The following FBXO25 variants were observed in gnomAD, a reference collection of about 807,000 sequenced individuals.
The protein encoded by FBXO25 is F-box protein 25, also known as F-box only protein 25.
Under a neutral mutation model 51.9 loss-of-function variants are expected in FBXO25, and 45 were observed. The ratio of observed to expected loss-of-function variants is 0.87; its 90% CI spans 0.68 to 1.11. The LOEUF is 1.11. FBXO25 is among the 50% of genes most tolerant of loss of function. The pLI is 0.00. For missense variants in FBXO25, 507 were observed against 428.5 expected, an observed-to-expected ratio of 1.18 and a Z score of -1.62; for synonymous variants, 199 against 151.0, an observed-to-expected ratio of 1.32 and a Z score of -2.33.
chr8:455,772 A>G (rs909308665), intron 7 of FBXO25, among the ~76,000 whole-genome samples: 1 of 152,222 alleles, frequency 6.6e-6, no homozygotes, highest in Non-Finnish European at 1.5e-5. Context: ...GGCAGAGAGC[A>G]TGTAGCTAAT....
intron 5 of FBXO25, among the ~76,000 whole-genome samples, chr8:436,691 A>T (rs1298073651): frequency 6.6e-6 from 1 of 152,118 alleles, no homozygotes; most frequent in African/African-American, 2.4e-5. Flanking sequence ...TGAAATGCAG[A>T]TTTGACTCAG....
In FBXO25 at chr8:441,222, A is replaced by G. The variant is rs143561500; in HGVS notation, c.381+5515A>G. 2.2e-4 allele frequency among the ~76,000 whole-genome samples: 33 copies of G among 152,340 alleles called. 1 individual carries two copies. The highest frequency in any genetic ancestry group is 6.5e-4 in the African/African-American group (27 of 41,580). ...TCAGAAATAACGCCACACGTCTACAACCATCTGATCTTTCACAAACCTGAC... is the reference window on the plus strand; with the variant it reads ...TCAGAAATAACGCCACACGTCTACAGCCATCTGATCTTTCACAAACCTGAC... On this transcript the variant is annotated intron_variant, in intron 5 of 9. Transcript: ENST00000350302.
intron 4 of FBXO25, among the ~76,000 whole-genome samples, chr8:434,200 G>C (rs1160750384): frequency 1.3e-5 from 2 of 152,184 alleles, no homozygotes; most frequent in Non-Finnish European, 2.9e-5. Context: ...TACAGAGCAA[G>C]TGCCTGCTGC....
intron 8 of FBXO25, among the ~76,000 whole-genome samples, chr8:459,650 T>C (rs886578361): frequency 5.3e-5 from 8 of 152,112 alleles, no homozygotes; most frequent in African/African-American, 1.9e-4. Context: ...CCCGATGGGA[T>C]GGGGGCTGCC....
chr8:472,135 G>A lies in FBXO25; in HGVS notation c.*3331G>A, dbSNP rs1800504243. On this transcript the variant is annotated 3_prime_UTR_variant, in exon 10 of 10. Coordinates refer to ENST00000350302, the MANE Select transcript of FBXO25 (RefSeq NM_183420.2). The stretch of plus-strand genomic sequence containing the variant: ...TAGCAGTGCGAGAGTGAACATCCTT[G>A]TCTTGTTCCTCATCTTAGGGGAAAG... 1 of 152,162 alleles carries A rather than the reference G, an allele frequency of 6.6e-6. No homozygotes were observed. Among genetic ancestry groups the A allele is most frequent in the African/African-American group, 2.4e-5 (1 of 41,430 alleles). 9.4% of individuals were successfully genotyped at this position (152,162 alleles called of 1,614,324 possible). A position where few individuals can be genotyped will look rare whatever the true frequency, so the allele number is the denominator to read the frequency against.
intron 2 of FBXO25, among the ~76,000 whole-genome samples, chr8:425,139 C>A (rs1289696702): frequency 3.3e-5 from 5 of 152,030 alleles, no homozygotes; most frequent in African/African-American, 1.2e-4. Flanking sequence ...CCCCGCCCCC[C>A]ACATGTCCCA....
intron 2 of FBXO25, among the ~76,000 whole-genome samples, chr8:415,941 TG>T (rs1796772864): frequency 6.6e-6 from 1 of 152,208 alleles, no homozygotes; most frequent in South Asian, 2.1e-4. Context: ...CTATAGGCGC[TG>T]TTGAGGATAT....
intron 8 of FBXO25, among the ~76,000 whole-genome samples, chr8:461,779 C>T (rs1025893837): frequency 6.6e-6 from 1 of 152,180 alleles, no homozygotes; most frequent in Non-Finnish European, 1.5e-5. Context: ...TTGTGACTGG[C>T]TTCTTACCCT....
intron 5 of FBXO25, 34 bp from the exon 6 acceptor site, chr8:449,956 A>G (rs765811845): frequency 4.3e-6 from 6 of 1,400,280 alleles, no homozygotes; most frequent in East Asian, 2.3e-5. Context: ...TTAAATATAT[A>G]TATCGCTCAG....
intron 5 of FBXO25, among the ~76,000 whole-genome samples, chr8:438,517 T>G (rs538332423): frequency 6.6e-6 from 1 of 152,196 alleles, no homozygotes; most frequent in Non-Finnish European, 1.5e-5. Context: ...AAAATAAAGT[T>G]AAGTAGTTTG....
chr8:421,979 G>C (rs930070108), intron 2 of FBXO25, among the ~76,000 whole-genome samples: 2 of 152,222 alleles, frequency 1.3e-5, no homozygotes, highest in Non-Finnish European at 2.9e-5. Context: ...GAATGTATAA[G>C]TGAGGGATAA....
intron 3 of FBXO25, among the ~76,000 whole-genome samples, chr8:432,106 G>A (rs1438602935): frequency 6.6e-6 from 1 of 152,162 alleles, no homozygotes; most frequent in Admixed American, 6.5e-5. Flanking sequence ...TAGCAAGATG[G>A]CCACCATCAC....
In FBXO25 at chr8:410,337, G is replaced by A. The variant is rs555875190; in HGVS notation, c.-7-2736G>A. Among the ~76,000 whole-genome samples the A allele has an allele frequency of 3.9e-5, 6 of 152,220 alleles. No homozygotes were observed. In the East Asian group the frequency reaches 1.2e-3, roughly 29 times the overall value. On this transcript the variant is annotated intron_variant, in intron 1 of 9. Coordinates refer to ENST00000350302, the MANE Select transcript of FBXO25 (RefSeq NM_183420.2). ...ACACTTTTGAGGGCAGGAACATCTAGCATAATAACATGTAGTTGGTGCTCA... is the reference window on the plus strand; with the variant it reads ...ACACTTTTGAGGGCAGGAACATCTAACATAATAACATGTAGTTGGTGCTCA...
At chr8:433,600 C>T (rs1043407641) in intron 4 of FBXO25, among the ~76,000 whole-genome samples, 1 of 152,152 alleles carries the variant, frequency 6.6e-6, no homozygotes, top group African/African-American at 2.4e-5. Context: ...ATAAAACAAA[C>T]GAGAGAGCTT....
intron 5 of FBXO25, among the ~76,000 whole-genome samples, chr8:444,700 C>T (rs1250220486): frequency 6.6e-6 from 1 of 151,982 alleles, no homozygotes; most frequent in Non-Finnish European, 1.5e-5. Context: ...GGTCAATGAC[C>T]GACCGCGTGT....
intron 7 of FBXO25, among the ~76,000 whole-genome samples, chr8:453,392 G>T (rs1799215213): frequency 6.6e-6 from 1 of 152,064 alleles, no homozygotes; most frequent in Non-Finnish European, 1.5e-5. Flanking sequence ...CTTGGCTTCT[G>T]GACCCTGTGC....
At chr8:407,635 C>T (rs1361851629) in intron 1 of FBXO25, among the ~76,000 whole-genome samples, 5 of 152,058 alleles carry the variant, frequency 3.3e-5, no homozygotes, top group East Asian at 1.9e-4. Flanking sequence ...CGACTCCTGC[C>T]GGCGTTTGCC....
intron 9 of FBXO25, chr8:467,788 A>G: frequency 6.2e-7 from 1 of 1,612,326 alleles, no homozygotes; most frequent in African/African-American, 1.3e-5. Flanking sequence ...TCGGGATGAA[A>G]ACGTTGCATC....
At position 471,010 on chromosome 8, in the gene FBXO25, T is replaced by C. The variant is rs2116880082; in HGVS notation, c.*2206T>C. On this transcript the variant is annotated 3_prime_UTR_variant, in exon 10 of 10. Transcript: ENST00000350302. ...TATACTGTTACTGTCATTTAATTGT[T>C]AGATGTTATAACAGTTCTCAGCTGT... The C allele has an allele frequency of 6.6e-6, 1 of 152,328 alleles. No homozygotes were observed. The highest frequency in any genetic ancestry group is 2.1e-4 in the South Asian group (1 of 4,832). 9.4% of individuals were successfully genotyped at this position (152,328 alleles called of 1,614,324 possible).
Sources: allele counts gnomAD v4.1 joint callset (sites outside exome capture counted in the v4.1 genomes callset), GRCh38; gene constraint gnomAD v4.1.1; transcripts MANE v1.5; gene names NCBI Gene and HGNC (gene_info 2026-07-23, HGNC 2026-07-21).